The following PDGFRA variants were observed in gnomAD, a reference collection of about 807,000 sequenced individuals.
The protein encoded by PDGFRA is platelet derived growth factor receptor alpha.
PDGFRA carries 25 observed loss-of-function variants against 121.5 expected under a neutral mutation model. The ratio of observed to expected loss-of-function variants is 0.21; its 90% confidence interval spans 0.15 to 0.29. The LOEUF (loss-of-function observed/expected upper bound fraction) is 0.29. PDGFRA is among the 10% of genes least tolerant of loss of function. The pLI is 1.00. For missense variants in PDGFRA, 1,008 were observed against 1,345.1 expected (o/e 0.75, Z 3.92); for synonymous variants, 463 against 494.8 (o/e 0.94, Z 0.85).
chr4:54,254,392 G>T (rs1430079055), intron 1 of PDGFRA, among the ~76,000 whole-genome samples: 2 of 152,174 alleles, frequency 1.3e-5, no homozygotes, highest in Non-Finnish European at 2.9e-5. Flanking sequence ...CCTCCTGATG[G>T]CTTGCTCAGA....
At chr4:54,258,293 C>T (rs7677751) in intron 1 of PDGFRA, among the ~76,000 whole-genome samples, 27,946 of 151,916 alleles carry the variant, frequency 0.18, 2,979 homozygotes, top group African/African-American at 0.27. Flanking sequence ...GTAAATGACA[C>T]ACATTGTTGG....
intron 21 of PDGFRA, among the ~76,000 whole-genome samples, chr4:54,289,847 GCT>G (rs2110347188): frequency 6.6e-6 from 1 of 152,362 alleles, no homozygotes; most frequent in East Asian, 1.9e-4. Context: ...GGTCAAAGAT[GCT>G]CTGACTGGTG....
In PDGFRA at chr4:54,287,559, C is replaced by T. The variant is rs1418505010; in HGVS notation, c.2674+18C>T. The T allele has an allele frequency of 1.3e-5, 13 of 967,344 alleles. No homozygotes were observed. The highest frequency in any genetic ancestry group is 2.0e-5 in the Non-Finnish European group (12 of 588,696). The allele number at this position is 967,344 out of a possible 1,614,324, so 59.9% of individuals were successfully genotyped here. ...TTCCCTTGGTATGGGCCTGACATTGCTGCTTATTTGGGCTGTTCTGAAACA... is the reference window on the plus strand; with the variant it reads ...TTCCCTTGGTATGGGCCTGACATTGTTGCTTATTTGGGCTGTTCTGAAACA... On this transcript the variant is annotated intron_variant, in intron 19 of 22. Coordinates refer to ENST00000257290, the MANE Select transcript of PDGFRA (RefSeq NM_006206.6).
intron 1 of PDGFRA, among the ~76,000 whole-genome samples, chr4:54,236,931 T>G (rs981865702): frequency 1.3e-5 from 2 of 152,186 alleles, no homozygotes; most frequent in Non-Finnish European, 2.9e-5. Flanking sequence ...ATGTTTATTC[T>G]CTTCCTTCCT....
intron 1 of PDGFRA, among the ~76,000 whole-genome samples, chr4:54,242,964 A>G (rs1436479449): frequency 6.6e-6 from 1 of 152,200 alleles, no homozygotes; most frequent in Non-Finnish European, 1.5e-5. Context: ...GGGAACCTTT[A>G]GCATTGGTGT....
intron 12 of PDGFRA, 82 bp from the exon 13 acceptor site, chr4:54,277,306 G>T (rs746728074): frequency 1.1e-6 from 1 of 921,534 alleles, no homozygotes; most frequent in Non-Finnish European, 1.8e-6. Flanking sequence ...CCAGCTGTCC[G>T]CCCGCAGAGA....
rs1340481558 is a variant in PDGFRA at position 54,274,450 on chromosome 4, A to G, written c.1559-81A>G. The G allele has an allele frequency of 5.0e-6, 5 of 1,002,428 alleles. No homozygotes were observed. The African/African-American group carries it at 7.9e-5, about 16-fold the overall frequency. 62.1% of individuals were successfully genotyped at this position (1,002,428 alleles called of 1,614,324 possible). The stretch of plus-strand genomic sequence containing the variant: ...ACCAGCAGTGAGAGATTCCTGGCTC[A>G]GACACAGCCACACTACCTTGCTGCC... On this transcript the variant is annotated intron_variant, in intron 10 of 22. Transcript: ENST00000257290.
intron 1 of PDGFRA, among the ~76,000 whole-genome samples, chr4:54,248,369 T>C (rs1721822867): frequency 6.6e-6 from 1 of 152,070 alleles, no homozygotes; most frequent in African/African-American, 2.4e-5. Flanking sequence ...AAAACAGAGA[T>C]ATAGATCAAT....
Position 54,272,443 on chromosome 4 carries a change from G to T in PDGFRA, c.1287G>T (p.Gly429=), listed in dbSNP as rs762230704. 1 of 1,613,828 alleles carries T rather than the reference G, an allele frequency of 6.2e-7. No individual in the cohort carries two copies. The highest frequency in any genetic ancestry group is 1.7e-5 in the Admixed American group (1 of 60,002). Residue 429 remains glycine, a synonymous_variant, in exon 9 of 23, where the codon GGG becomes GGT. Transcript: ENST00000257290. The part of the protein sequence containing the change: ...DLVDDHHGST[G]GQTVRCTAEG... Reference sequence around the variant, plus strand: ...TCGATGATCACCATGGCTCAACTGGGGGACAGACGGTGAGGTGCACAGCTG... The same window carrying T: ...TCGATGATCACCATGGCTCAACTGGTGGACAGACGGTGAGGTGCACAGCTG...
At chr4:54,239,709 C>A (rs1373622603) in intron 1 of PDGFRA, among the ~76,000 whole-genome samples, 1 of 152,202 alleles carries the variant, frequency 6.6e-6, no homozygotes, top group Non-Finnish European at 1.5e-5. Context: ...GGCTTAGCAG[C>A]CTGATAGCAG....
intron 1 of PDGFRA, among the ~76,000 whole-genome samples, chr4:54,247,947 G>A (rs62299376): frequency 0.024 from 3,715 of 152,074 alleles, 73 homozygotes; most frequent in Non-Finnish European, 0.035. Flanking sequence ...CAGCCAAATC[G>A]TGAGTGAACT....
rs2110365889 is a variant in PDGFRA at position 54,298,235 on chromosome 4, A to C, written c.*2963A>C. The C allele has an allele frequency of 5.3e-6, 1 of 189,462 alleles. No individual in the cohort carries two copies. The highest frequency in any genetic ancestry group is 8.5e-5 in the East Asian group (1 of 11,762). The allele number at this position is 189,462 out of a possible 1,614,324, so 11.7% of individuals were successfully genotyped here. A position where few individuals can be genotyped will look rare whatever the true frequency, so the allele number is the denominator to read the frequency against. ...TTTATATTTCAATAAATGATATATA[A>C]TTTAAAGTTATACTAAGGTTTCAGC... On this transcript the variant is annotated 3_prime_UTR_variant, in exon 23 of 23. Transcript: ENST00000257290.
intron 1 of PDGFRA, among the ~76,000 whole-genome samples, chr4:54,245,725 A>C (rs559791813): frequency 6.6e-6 from 1 of 152,334 alleles, no homozygotes; most frequent in South Asian, 2.1e-4. Flanking sequence ...ATTAACTTTA[A>C]ATGTAAATGG....
chr4:54,242,419 G>A (rs1011911498), intron 1 of PDGFRA, among the ~76,000 whole-genome samples: 1 of 152,112 alleles, frequency 6.6e-6, no homozygotes, highest in African/African-American at 2.4e-5. Context: ...AGGCTTAAAA[G>A]CCAGAGATGT....
At chr4:54,262,639 A>G (rs552594639) in intron 3 of PDGFRA, among the ~76,000 whole-genome samples, 2 of 152,134 alleles carry the variant, frequency 1.3e-5, no homozygotes, top group Admixed American at 1.3e-4. Flanking sequence ...TTACTTTTTC[A>G]TGATACTCTT....
At chr4:54,287,629 A>G in intron 19 of PDGFRA, 88 bp downstream of exon 19, 1 of 770,480 alleles carries the variant, frequency 1.3e-6, no homozygotes, top group South Asian at 1.4e-5. Context: ...GGATGTAGAC[A>G]GTGTTAAGAT....
At position 54,248,719 on chromosome 4, in the gene PDGFRA, G is replaced by T. The variant is rs1296543329; in HGVS notation, c.-12-10038G>T. ...AACAAAAGCCAAAATTGACAAATGG[G>T]ATCTAATTAAACTAAAGAGCTTCTG... On this transcript the variant is annotated intron_variant, in intron 1 of 22. Coordinates refer to ENST00000257290, the MANE Select transcript of PDGFRA (RefSeq NM_006206.6). Among the ~76,000 whole-genome samples the T allele has an allele frequency of 2.0e-5, 3 of 152,266 alleles. No homozygotes were observed. The South Asian group carries it at 6.2e-4, about 32-fold the overall frequency.
intron 1 of PDGFRA, among the ~76,000 whole-genome samples, chr4:54,234,772 C>T (rs917741544): frequency 1.1e-4 from 17 of 152,140 alleles, no homozygotes; most frequent in African/African-American, 3.6e-4. Context: ...TGACCTCAAG[C>T]CGAATGCTCA....
intron 1 of PDGFRA, among the ~76,000 whole-genome samples, chr4:54,239,137 C>T (rs1721163021): frequency 6.6e-6 from 1 of 152,178 alleles, no homozygotes; most frequent in Non-Finnish European, 1.5e-5. Context: ...AAGACACTCC[C>T]ACCAGTGCCA....
Sources: allele counts gnomAD v4.1 joint callset (sites outside exome capture counted in the v4.1 genomes callset), GRCh38; gene constraint gnomAD v4.1.1; transcripts MANE v1.5; gene names NCBI Gene and HGNC (gene_info 2026-07-23, HGNC 2026-07-21).